The following TXNDC9 variants were observed in gnomAD, a reference collection of about 807,000 sequenced individuals.
TXNDC9 encodes thioredoxin domain containing 9, also known as thioredoxin domain-containing protein 9.
A neutral mutation model predicts 23.0 loss-of-function variants in TXNDC9; 7 were observed. That is an observed-to-expected ratio of 0.30 (90% confidence interval 0.17 to 0.57). The LOEUF (loss-of-function observed/expected upper bound fraction) is 0.57. Ranked by LOEUF, TXNDC9 falls within the 20% of genes least tolerant of loss-of-function variation. TXNDC9 has a pLI of 0.90. For missense variants in TXNDC9, 198 were observed against 252.6 expected (o/e 0.78, Z 1.47); for synonymous variants, 72 against 90.6 (o/e 0.79, Z 1.17).
In TXNDC9 at chr2:99,333,272, A is replaced by T. The variant is rs182306901; in HGVS notation, c.-32-30T>A. ...GGAGAAGATTTACAAAATACATTTTAAAAAATGCAAACAATAAGCAAGGTT... is the reference window on the plus strand; with the variant it reads ...GGAGAAGATTTACAAAATACATTTTTAAAAATGCAAACAATAAGCAAGGTT... On this transcript the variant is annotated intron_variant, in intron 1 of 4. Transcript: ENST00000264255. The T allele has an allele frequency of 6.1e-4, 923 of 1,514,386 alleles. 13 individuals carry two copies. In the East Asian group the frequency reaches 0.018, roughly 29 times the overall value. The allele number at this position is 1,514,386 out of a possible 1,614,324, so 93.8% of individuals were successfully genotyped here. A position where few individuals can be genotyped will look rare whatever the true frequency, so the allele number is the denominator to read the frequency against.
downstream of TXNDC9, among the ~76,000 whole-genome samples, chr2:99,317,890 C>G (rs963641080): frequency 7.9e-5 from 12 of 152,030 alleles, no homozygotes; most frequent in Admixed American, 7.2e-4. Context: ...GGACTAATAA[C>G]AGCTGCCTCT....
intron 2 of TXNDC9, among the ~76,000 whole-genome samples, chr2:99,330,944 A>T (rs2105325569): frequency 6.6e-6 from 1 of 152,364 alleles, no homozygotes; most frequent in South Asian, 2.1e-4. Flanking sequence ...TTACTCGATG[A>T]CAAATTCATT....
chr2:99,325,767 T>C (rs758298617), intron 3 of TXNDC9, among the ~76,000 whole-genome samples: 3 of 151,996 alleles, frequency 2.0e-5, no homozygotes, highest in Non-Finnish European at 4.4e-5. Context: ...TCCCAACACT[T>C]TGGGAGGCCA....
intron 1 of TXNDC9, 140 bp from the exon 2 acceptor site, chr2:99,333,382 G>T: frequency 1.5e-6 from 1 of 657,094 alleles, no homozygotes; most frequent in Non-Finnish European, 2.4e-6. Flanking sequence ...CTTGATGCTG[G>T]GCTTAACAAT....
chr2:99,312,562 A>AT, the TXNDC9 span, among the ~76,000 whole-genome samples: 31 of 152,204 alleles, frequency 2.0e-4, no homozygotes, highest in Non-Finnish European at 4.0e-4. Context: ...AACACTTTGC[A>AT]TTAATTAGAG....
At chr2:99,322,256 GCT>G (rs1559233892) in intron 3 of TXNDC9, 47 bp from the exon 4 acceptor site, 1 of 1,561,408 alleles carries the variant, frequency 6.4e-7, no homozygotes, top group African/African-American at 1.4e-5. Context: ...ACCACAGATC[GCT>G]TTTTTCAAAA....
intron 3 of TXNDC9, among the ~76,000 whole-genome samples, chr2:99,323,380 C>T (rs2105321028): frequency 6.6e-6 from 1 of 151,862 alleles, no homozygotes; most frequent in South Asian, 2.1e-4. Flanking sequence ...GTACTCCAAC[C>T]TGGGCAACAT....
intron 1 of TXNDC9, among the ~76,000 whole-genome samples, chr2:99,334,736 G>A (rs369593913): frequency 9.5e-4 from 144 of 151,412 alleles, no homozygotes; most frequent in African/African-American, 3.4e-3. Flanking sequence ...TTTTTGAGAC[G>A]GAGTCTCGCT....
intron 2 of TXNDC9, among the ~76,000 whole-genome samples, chr2:99,332,548 C>T (rs971811684): frequency 6.6e-6 from 1 of 152,190 alleles, no homozygotes; most frequent in Non-Finnish European, 1.5e-5. Flanking sequence ...GAGGCAACAA[C>T]GATAGAGCTG....
rs779728060 is a variant in TXNDC9 at position 99,319,753 on chromosome 2, T to C, written c.610A>G (p.Thr204Ala). Residue 204 changes from threonine to alanine, a missense_variant, in exon 5 of 5, where the codon ACA (threonine) becomes GCA (alanine). Physicochemically the swap from Thr to Ala is moderately conservative, Grantham distance 58 (BLOSUM62 0). Transcript: ENST00000264255. ...TTCTTTTCCAGCTTTGTGAAGTTTG[T>C]TCCAAATTTCTTTTGGTTCTGAAAT... ...PPFQNQKKFGTNFTKLEKKTI... is the reference protein window; with the variant it reads ...PPFQNQKKFGANFTKLEKKTI... 1.9e-6 allele frequency: 3 copies of C among 1,604,296 alleles called. No homozygotes were observed. In the East Asian group the frequency reaches 6.7e-5, roughly 36 times the overall value.
chr2:99,321,404 T>G (rs2094201421), intron 4 of TXNDC9: 1 of 152,236 alleles, frequency 6.6e-6, no homozygotes, highest in Admixed American at 6.5e-5. Flanking sequence ...GATTTTAGAT[T>G]GTTTTCAAAC....
At chr2:99,320,645 C>T (rs541246561) in intron 4 of TXNDC9, among the ~76,000 whole-genome samples, 12 of 152,162 alleles carry the variant, frequency 7.9e-5, no homozygotes, top group African/African-American at 2.4e-4. Context: ...GAAATAAGAG[C>T]GGTAAATTAC....
At chr2:99,315,220 A>G (rs2094186358), downstream of TXNDC9, among the ~76,000 whole-genome samples, 3 of 150,018 alleles carry the variant, frequency 2.0e-5, no homozygotes, top group Middle Eastern at 3.5e-3. Context: ...ATGCCACCAT[A>G]CCCGGCTAAT....
intron 3 of TXNDC9, chr2:99,322,444 T>C: frequency 7.8e-7 from 1 of 1,283,638 alleles, no homozygotes; most frequent in Non-Finnish European, 1.0e-6. Flanking sequence ...ATTAATGATA[T>C]TCTCTTTTAA....
the TXNDC9 span, among the ~76,000 whole-genome samples, chr2:99,310,649 G>A: frequency 0.37 from 56,267 of 152,002 alleles, 11,212 homozygotes; most frequent in East Asian, 0.63. Flanking sequence ...GAATTATCAA[G>A]GTGGGCCCTT....
intron 1 of TXNDC9, among the ~76,000 whole-genome samples, chr2:99,334,546 T>TA (rs1434800772): frequency 1.2e-4 from 19 of 152,212 alleles, no homozygotes; most frequent in Middle Eastern, 3.2e-3. Context: ...CATGTTACTG[T>TA]ACTGAATACT....
chr2:99,314,873 A>T (rs1481552983), downstream of TXNDC9, among the ~76,000 whole-genome samples: 1 of 148,580 alleles, frequency 6.7e-6, no homozygotes, highest in Non-Finnish European at 1.5e-5. Flanking sequence ...TTCTTTTGGG[A>T]AGACGTACAG....
chr2:99,334,836 C>G (rs2094234840), intron 1 of TXNDC9, among the ~76,000 whole-genome samples: 1 of 152,202 alleles, frequency 6.6e-6, no homozygotes, highest in Non-Finnish European at 1.5e-5. Flanking sequence ...CTCAGCCTCC[C>G]GAGTAGCCGG....
chr2:99,333,040 T>C lies in TXNDC9; in HGVS notation c.171A>G (p.Lys57=), dbSNP rs1313962467. Residue 57 remains lysine, a synonymous_variant, in exon 2 of 5, where the codon AAA becomes AAG. Coordinates refer to ENST00000264255, the MANE Select transcript of TXNDC9 (RefSeq NM_005783.4). The part of the protein sequence containing the change: ...LKEKRLQALR[K]AQQQKQEWLS... The stretch of plus-strand genomic sequence containing the variant: ...AGGTTACTTGTTTCTGCTGTTGAGC[T>C]TTCCTTAGTGCCTGGAGTCTCTTTT... 1.2e-6 allele frequency: 2 copies of C among 1,613,962 alleles called. No homozygotes were observed. The highest frequency in any genetic ancestry group is 1.3e-5 in the African/African-American group (1 of 74,936).
Sources: gnomAD v4.1 joint callset for allele counts (sites outside exome capture counted in the v4.1 genomes callset) on GRCh38, gnomAD v4.1.1 for gene constraint, MANE v1.5 for transcripts, NCBI Gene and HGNC (gene_info 2026-07-23, HGNC 2026-07-21) for gene names.